Variants in GRID1 observed in about 807,000 individuals in gnomAD.
GRID1 encodes glutamate receptor ionotropic, delta-1.
In GRID1, 28 loss-of-function variants were observed where a neutral mutation model predicts 98.0. That is an observed-to-expected ratio of 0.29 (90% CI 0.21 to 0.39). The LOEUF (loss-of-function observed/expected upper bound fraction) is 0.39, where lower values mean the gene tolerates loss of function less well. Ranked by LOEUF, GRID1 falls within the 10% of genes least tolerant of loss-of-function variation. The pLI is 1.00. For missense variants in GRID1, 1,111 were observed against 1,340.5 expected, an observed-to-expected ratio of 0.83 and a Z score of 2.67; for synonymous variants, 553 against 538.5, an observed-to-expected ratio of 1.03 and a Z score of -0.37.
At chr10:86,160,694 A>G (rs1420544860) in intron 3 of GRID1, among the ~76,000 whole-genome samples, 2 of 152,248 alleles carry the variant, frequency 1.3e-5, no homozygotes, top group African/African-American at 4.8e-5. Context: ...ATGTGCCAGG[A>G]ACCATGTGCT....
At chr10:85,714,005 T>C (rs986383194) in intron 12 of GRID1, among the ~76,000 whole-genome samples, 6 of 151,798 alleles carry the variant, frequency 4.0e-5, no homozygotes, top group African/African-American at 1.4e-4. Context: ...GTCAGAACAA[T>C]TAGGCAATAC....
At chr10:85,620,054 T>G (rs2292310) in intron 13 of GRID1, 21 bp from the exon 14 acceptor site, 419 of 1,609,138 alleles carry the variant, frequency 2.6e-4, no homozygotes, top group Non-Finnish European at 3.5e-4. Context: ...AAAATTACCA[T>G]GAAGTCAGGC....
intron 11 of GRID1, among the ~76,000 whole-genome samples, chr10:85,723,603 A>G (rs1418667643): frequency 6.6e-6 from 1 of 152,188 alleles, no homozygotes. Context: ...AAACCTGAGA[A>G]ATGAGATGTC....
At chr10:86,080,389 A>AAGGTAAGGGAAGGGG (rs1843951277) in intron 4 of GRID1, among the ~76,000 whole-genome samples, 1 of 23,878 alleles carries the variant, frequency 4.2e-5, no homozygotes, top group Non-Finnish European at 8.4e-5. Context: ...AAGGAAAGGG[A>AAGGTAAGGGAAGGGG]AGGGAAGGGA....
At chr10:85,835,489 A>C (rs556243363) in intron 8 of GRID1, among the ~76,000 whole-genome samples, 1 of 152,322 alleles carries the variant, frequency 6.6e-6, no homozygotes, top group Admixed American at 6.5e-5. Context: ...CTTCCCCTGC[A>C]CAATCTCCCT....
intron 14 of GRID1, among the ~76,000 whole-genome samples, chr10:85,615,996 G>A (rs575982963): frequency 6.6e-6 from 1 of 152,166 alleles, no homozygotes; most frequent in South Asian, 2.1e-4. Flanking sequence ...AAAGCCTGAG[G>A]TTATAATAAA....
chr10:86,042,618 C>T (rs963904004), intron 4 of GRID1, among the ~76,000 whole-genome samples: 2 of 152,202 alleles, frequency 1.3e-5, no homozygotes, highest in Admixed American at 6.5e-5. Flanking sequence ...TCAAGACCTA[C>T]AGGATGCACC....
chr10:85,868,294 C>T (rs1170141633), intron 6 of GRID1, among the ~76,000 whole-genome samples: 1 of 152,092 alleles, frequency 6.6e-6, no homozygotes, highest in African/African-American at 2.4e-5. Flanking sequence ...TTTGAGGCTG[C>T]CAGTGGGTAC....
At chr10:85,719,944 C>T (rs985518655) in intron 12 of GRID1, among the ~76,000 whole-genome samples, 1 of 152,116 alleles carries the variant, frequency 6.6e-6, no homozygotes, top group African/African-American at 2.4e-5. Flanking sequence ...CTAAATTTGA[C>T]CTCATCAAAA....
chr10:85,607,431 A>G lies in GRID1; in HGVS notation c.2602-4730T>C, dbSNP rs112713103. On this transcript the variant is annotated intron_variant, in intron 15 of 15. Transcript: ENST00000327946. ...GGACCCAAGGGCTGGGAGAAATGCT[A>G]CCAACACAATCTTCAGTGTTGTTCC... Among the ~76,000 whole-genome samples, 250 of 152,276 alleles carry G rather than the reference A, an allele frequency of 1.6e-3. 3 individuals are homozygous for G. The highest frequency in any genetic ancestry group is 5.7e-3 in the African/African-American group (237 of 41,548).
chr10:85,926,322 G>C (rs772220246), intron 4 of GRID1, among the ~76,000 whole-genome samples: 10 of 152,168 alleles, frequency 6.6e-5, no homozygotes, highest in Non-Finnish European at 1.2e-4. Context: ...GAGACCACGG[G>C]GGGCTCTGAG....
At chr10:85,964,915 A>T (rs759589860) in intron 4 of GRID1, among the ~76,000 whole-genome samples, 12 of 152,252 alleles carry the variant, frequency 7.9e-5, no homozygotes, top group Non-Finnish European at 1.8e-4. Flanking sequence ...AATATCCAGA[A>T]TCTACAAGGA....
intron 12 of GRID1, among the ~76,000 whole-genome samples, chr10:85,652,444 G>A (rs1420726815): frequency 6.6e-6 from 1 of 152,210 alleles, no homozygotes; most frequent in Non-Finnish European, 1.5e-5. Flanking sequence ...GCATGGGCCT[G>A]ATACATGTGG....
intron 2 of GRID1, among the ~76,000 whole-genome samples, chr10:86,244,409 G>A (rs1846688229): frequency 6.6e-6 from 1 of 152,256 alleles, no homozygotes; most frequent in Non-Finnish European, 1.5e-5. Context: ...TCTGGTAAGA[G>A]ACACGTGGAT....
chr10:86,061,456 G>A (rs977726022), intron 4 of GRID1, among the ~76,000 whole-genome samples: 2 of 152,150 alleles, frequency 1.3e-5, no homozygotes, highest in African/African-American at 4.8e-5. Flanking sequence ...CTTCAAAATA[G>A]CAGCCCTGCC....
At chr10:85,930,466 C>T (rs988439194) in intron 4 of GRID1, among the ~76,000 whole-genome samples, 23 of 151,810 alleles carry the variant, frequency 1.5e-4, no homozygotes, top group African/African-American at 5.6e-4. Context: ...CTTTCCATTT[C>T]CTTAAGCCCT....
chr10:85,923,297 G>A (rs2131828386), intron 4 of GRID1, among the ~76,000 whole-genome samples: 2 of 152,272 alleles, frequency 1.3e-5, no homozygotes, highest in East Asian at 3.9e-4. Context: ...GAAGGATGGT[G>A]GAGACAAGGC....
At chr10:85,685,872 T>A (rs1039176719) in intron 12 of GRID1, among the ~76,000 whole-genome samples, 16 of 152,028 alleles carry the variant, frequency 1.1e-4, no homozygotes, top group Non-Finnish European at 1.9e-4. Context: ...ACAGATGTTA[T>A]GATACATAGT....
chr10:86,149,284 G>A (rs1845129401), intron 3 of GRID1, among the ~76,000 whole-genome samples: 1 of 152,240 alleles, frequency 6.6e-6, no homozygotes, highest in South Asian at 2.1e-4. Flanking sequence ...TCTAATAAGG[G>A]CTGATAGTAC....
Sources: gnomAD v4.1 joint callset for allele counts (sites outside exome capture counted in the v4.1 genomes callset) on GRCh38, gnomAD v4.1.1 for gene constraint, MANE v1.5 for transcripts, NCBI Gene and HGNC (gene_info 2026-07-23, HGNC 2026-07-21) for gene names.